Variants in GALNT17 observed in about 807,000 individuals in gnomAD.
GALNT17 encodes the protein polypeptide N-acetylgalactosaminyltransferase 17.
Under a neutral mutation model 63.7 loss-of-function variants are expected in GALNT17, and 29 were observed. The observed-to-expected ratio is 0.46, with a 90% confidence interval of 0.34 to 0.62. The LOEUF (loss-of-function observed/expected upper bound fraction) is 0.62. Among genes scored for constraint, GALNT17 ranks in the 20% least tolerant of loss-of-function variants. GALNT17 has a pLI of 0.01. For missense variants in GALNT17, 603 were observed against 799.6 expected (o/e 0.75, Z 2.97); for synonymous variants, 305 against 318.3 (o/e 0.96, Z 0.45).
In GALNT17 at chr7:71,644,312, G is replaced by A. The variant is rs181276665; in HGVS notation, c.1081-21099G>A. ...AGCACTTTGGAAGGTCAAGGTGAGC[G>A]GATCACAAGGTCAGGAGATTGAGAC... On this transcript the variant is annotated intron_variant, in intron 6 of 10. Coordinates refer to ENST00000333538, the MANE Select transcript of GALNT17 (RefSeq NM_022479.3). 2.0e-4 allele frequency among the ~76,000 whole-genome samples: 31 copies of A among 151,606 alleles called. No individual in the cohort carries two copies. In the East Asian group the frequency reaches 5.8e-3, roughly 29 times the overall value.
chr7:71,265,326 C>T (rs141179269), intron 1 of GALNT17, among the ~76,000 whole-genome samples: 5,368 of 150,990 alleles, frequency 0.036, 111 homozygotes, highest in South Asian at 0.06. Flanking sequence ...AGGGTTTCAC[C>T]ATATCGGCCA....
At chr7:71,558,275 AT>A (rs1789197402) in intron 5 of GALNT17, among the ~76,000 whole-genome samples, 1 of 152,036 alleles carries the variant, frequency 6.6e-6, no homozygotes, top group Non-Finnish European at 1.5e-5. Flanking sequence ...TTCTACAAAT[AT>A]TTTATTGACA....
At chr7:71,208,863 C>A (rs931952561) in intron 1 of GALNT17, among the ~76,000 whole-genome samples, 1 of 152,228 alleles carries the variant, frequency 6.6e-6, no homozygotes, top group Non-Finnish European at 1.5e-5. Flanking sequence ...TCTCCACTTA[C>A]AACATTACAC....
chr7:71,362,041 CT>C (rs1365938524), intron 2 of GALNT17, among the ~76,000 whole-genome samples: 1 of 152,162 alleles, frequency 6.6e-6, no homozygotes, highest in Non-Finnish European at 1.5e-5. Context: ...ACTGCAACCT[CT>C]GCCTCTTGGG....
At chr7:71,697,182 A>G (rs1231623211) in intron 9 of GALNT17, among the ~76,000 whole-genome samples, 1 of 152,186 alleles carries the variant, frequency 6.6e-6, no homozygotes, top group Non-Finnish European at 1.5e-5. Context: ...GTTTATTCTT[A>G]AATTGGTGGA....
At chr7:71,160,202 T>G (rs1788316436) in intron 1 of GALNT17, among the ~76,000 whole-genome samples, 1 of 152,210 alleles carries the variant, frequency 6.6e-6, no homozygotes, top group Non-Finnish European at 1.5e-5. Context: ...TTTTGCTTCT[T>G]TTTATCCTGT....
intron 2 of GALNT17, among the ~76,000 whole-genome samples, chr7:71,350,050 C>G (rs1792163317): frequency 6.6e-6 from 1 of 152,136 alleles, no homozygotes; most frequent in African/African-American, 2.4e-5. Flanking sequence ...GCTGTTGTTT[C>G]TGCCTCACAG....
chr7:71,324,796 TATAC>T (rs1008233114), intron 1 of GALNT17, among the ~76,000 whole-genome samples: 1 of 152,210 alleles, frequency 6.6e-6, no homozygotes, highest in East Asian at 1.9e-4. Context: ...AATTTAAAAA[TATAC>T]ATATAGCACA....
At chr7:71,620,199 T>A (rs1790270608) in intron 6 of GALNT17, among the ~76,000 whole-genome samples, 1 of 152,212 alleles carries the variant, frequency 6.6e-6, no homozygotes, top group Non-Finnish European at 1.5e-5. Context: ...GCTAGTATTT[T>A]GTTGAGGACT....
chr7:71,306,525 C>A (rs1030553547), intron 1 of GALNT17, among the ~76,000 whole-genome samples: 1 of 152,138 alleles, frequency 6.6e-6, no homozygotes. Flanking sequence ...CTTAGAATAT[C>A]GTCCTCAAAG....
chr7:71,404,717 C>G (rs560918346), intron 3 of GALNT17, among the ~76,000 whole-genome samples: 1 of 152,270 alleles, frequency 6.6e-6, no homozygotes, highest in East Asian at 1.9e-4. Flanking sequence ...CTCCTGTATC[C>G]CTGAGGCTTC....
In GALNT17 at chr7:71,608,162, G is replaced by T. The variant is rs12667238; in HGVS notation, c.1080+36760G>T. On this transcript the variant is annotated intron_variant, in intron 6 of 10. Coordinates refer to ENST00000333538, the MANE Select transcript of GALNT17 (RefSeq NM_022479.3). ...AATACCTCTTTTTACTCTCAGAAAC[G>T]TGCATGTGAGTACATAAATCATATA... Among the ~76,000 whole-genome samples the T allele has an allele frequency of 1.4e-3, 207 of 152,228 alleles. 4 individuals are homozygous for T. In the East Asian group the frequency reaches 0.037, roughly 28 times the overall value.
intron 1 of GALNT17, among the ~76,000 whole-genome samples, chr7:71,233,567 C>T (rs2116450872): frequency 6.6e-6 from 1 of 152,234 alleles, no homozygotes; most frequent in East Asian, 1.9e-4. Flanking sequence ...ATATGGGAAG[C>T]CAGGATGATC....
chr7:71,218,084 A>G (rs971295698), intron 1 of GALNT17, among the ~76,000 whole-genome samples: 1 of 152,128 alleles, frequency 6.6e-6, no homozygotes, highest in African/African-American at 2.4e-5. Context: ...AAATAAATGT[A>G]TAAGTTTTAT....
At chr7:71,206,077 A>G (rs1412504609) in intron 1 of GALNT17, among the ~76,000 whole-genome samples, 1 of 148,918 alleles carries the variant, frequency 6.7e-6, no homozygotes, top group Non-Finnish European at 1.5e-5. Context: ...CTCTTTGTCA[A>G]ATATATGAGG....
chr7:71,491,604 G>A (rs1029499535), intron 5 of GALNT17, among the ~76,000 whole-genome samples: 6 of 152,116 alleles, frequency 3.9e-5, no homozygotes, highest in East Asian at 3.9e-4. Context: ...TGGCCTTAGC[G>A]GCAGACTCCA....
chr7:71,563,725 C>T (rs1789293220), intron 5 of GALNT17, among the ~76,000 whole-genome samples: 2 of 152,140 alleles, frequency 1.3e-5, no homozygotes, highest in South Asian at 2.1e-4. Context: ...ACTATAGGCA[C>T]ATGCCGCCAC....
intron 5 of GALNT17, among the ~76,000 whole-genome samples, chr7:71,523,893 G>A (rs141198813): frequency 0.015 from 2,340 of 151,902 alleles, 30 homozygotes; most frequent in Non-Finnish European, 0.024. Context: ...GCCGAGGTGG[G>A]CAGATCACGA....
chr7:71,288,174 C>T (rs889354804), intron 1 of GALNT17, among the ~76,000 whole-genome samples: 1 of 143,256 alleles, frequency 7.0e-6, no homozygotes, highest in Non-Finnish European at 1.5e-5. Context: ...CAAGATTGCA[C>T]CACTGCACTC....
Sources: allele counts gnomAD v4.1 joint callset (sites outside exome capture counted in the v4.1 genomes callset), GRCh38; gene constraint gnomAD v4.1.1; transcripts MANE v1.5; gene names NCBI Gene and HGNC (gene_info 2026-07-23, HGNC 2026-07-21).